The following LNX1 variants were observed in gnomAD, a reference collection of about 807,000 sequenced individuals.
The protein encoded by LNX1 is ligand of numb-protein X 1, also known as E3 ubiquitin-protein ligase LNX.
Under a neutral mutation model 68.4 loss-of-function variants are expected in LNX1, and 54 were observed. The observed-to-expected ratio is 0.79, with a 90% confidence interval of 0.63 to 0.99. The LOEUF (loss-of-function observed/expected upper bound fraction) is 0.99. Among genes scored for constraint, LNX1 ranks in the 50% least tolerant of loss-of-function variants. The pLI is 0.00. For synonymous variants in LNX1, 336 were observed against 350.0 expected, an observed-to-expected ratio of 0.96 and a Z score of 0.45; for missense variants, 906 against 926.4, an observed-to-expected ratio of 0.98 and a Z score of 0.29.
At chr4:53,548,302 A>G (rs963644608) in intron 2 of LNX1, among the ~76,000 whole-genome samples, 4 of 152,168 alleles carry the variant, frequency 2.6e-5, no homozygotes, top group Non-Finnish European at 4.4e-5. Flanking sequence ...TTGTTTTACC[A>G]ATGAGCCCTG....
chr4:53,481,443 G>A (rs867623499), intron 7 of LNX1, among the ~76,000 whole-genome samples: 3 of 152,270 alleles, frequency 2.0e-5, no homozygotes, highest in Middle Eastern at 3.4e-3. Flanking sequence ...GTAAAAACAT[G>A]CCATTTATTT....
intron 2 of LNX1, among the ~76,000 whole-genome samples, chr4:53,546,485 A>G (rs1011268773): frequency 4.6e-5 from 7 of 152,192 alleles, no homozygotes; most frequent in Admixed American, 3.3e-4. Context: ...CTTCCTCAGG[A>G]CACATATCAT....
rs572174039 is a variant in LNX1 at position 53,559,893 on chromosome 4, C to T, written c.380+13730G>A. On this transcript the variant is annotated intron_variant, in intron 2 of 10. Transcript: ENST00000263925. ...CCCAGGCTGGTCTTGAACTTTTGGC[C>T]TCAAGCAATATTCCTGCCTCAACCT... is the stretch of plus-strand genomic sequence containing the variant. Among the ~76,000 whole-genome samples, 542 of 152,086 alleles carry T rather than the reference C, an allele frequency of 3.6e-3. 2 individuals are homozygous for T. The highest frequency in any genetic ancestry group is 0.012 in the African/African-American group (514 of 41,470).
At chr4:53,479,179 C>G (rs1044439763) in intron 7 of LNX1, among the ~76,000 whole-genome samples, 1 of 152,236 alleles carries the variant, frequency 6.6e-6, no homozygotes, top group Non-Finnish European at 1.5e-5. Context: ...GCATGAGCCA[C>G]TGCTCCTGGC....
At chr4:53,593,186 C>T (rs553888415), upstream of LNX1, 2 of 152,278 alleles carry the variant, frequency 1.3e-5, no homozygotes, top group East Asian at 1.9e-4. Flanking sequence ...AATTGAGAAA[C>T]ATCACTCACA....
chr4:53,525,269 G>A (rs959134806), intron 2 of LNX1, among the ~76,000 whole-genome samples: 6 of 152,216 alleles, frequency 3.9e-5, no homozygotes, highest in Non-Finnish European at 8.8e-5. Context: ...ATCATTTGAG[G>A]TCAGGAGTTT....
chr4:53,481,239 T>C (rs1386792397), intron 7 of LNX1, among the ~76,000 whole-genome samples: 2 of 152,152 alleles, frequency 1.3e-5, no homozygotes, highest in African/African-American at 2.4e-5. Context: ...TCCCCACCAC[T>C]CCCTAATGTT....
At chr4:53,534,817 C>T (rs1286859927) in intron 2 of LNX1, among the ~76,000 whole-genome samples, 4 of 152,190 alleles carry the variant, frequency 2.6e-5, no homozygotes, top group Non-Finnish European at 5.9e-5. Flanking sequence ...TTCTATTCAG[C>T]CATATACATT....
In LNX1 at chr4:53,459,524, T is replaced by A; in HGVS notation, c.*1383A>T. 7 of 1,585,738 alleles carry A rather than the reference T, an allele frequency of 4.4e-6. No individual in the cohort carries two copies. Among genetic ancestry groups the A allele is most frequent in the Non-Finnish European group, 6.0e-6 (7 of 1,158,402 alleles). ...AATCTTGTTATTTTTCTGGATAATG[T>A]TTAAGAAATTTACCTTAAATCTTGT... On this transcript the variant is annotated 3_prime_UTR_variant, in exon 11 of 11. Coordinates refer to ENST00000263925, the MANE Select transcript of LNX1 (RefSeq NM_001126328.3).
At chr4:53,633,928 T>A (rs1734369124) in intron 1 of LNX1, among the ~76,000 whole-genome samples, 1 of 152,144 alleles carries the variant, frequency 6.6e-6, no homozygotes, top group Non-Finnish European at 1.5e-5. Flanking sequence ...ACAAAGGGTC[T>A]CCTAGAGTTC....
In LNX1 at chr4:53,529,972, C is replaced by A. The variant is rs1727906588; in HGVS notation, c.381-21745G>T. 4.6e-5 allele frequency among the ~76,000 whole-genome samples: 7 copies of A among 152,074 alleles called. 1 individual carries two copies. The South Asian group carries it at 1.4e-3, about 31-fold the overall frequency. Reference sequence around the variant, plus strand: ...AGACTAGAAAAAATGTAGGCGAATACTTTTCAGACCTCAATATGGAAAAAA... The same window carrying A: ...AGACTAGAAAAAATGTAGGCGAATAATTTTCAGACCTCAATATGGAAAAAA... On this transcript the variant is annotated intron_variant, in intron 2 of 10. Transcript: ENST00000263925.
Position 53,606,484 on chromosome 4 carries a change from AAC to A in LNX1, c.-215+10031_-215+10032del, listed in dbSNP as rs748081954. On this transcript the variant is annotated intron_variant, in intron 2 of 3. Coordinates refer to the LNX1 transcript ENST00000504299. ...AAAACAAACAAACAAACAAAAAACAAACAAAAAAAAAACAGAACAAGACAGAT... is the reference window on the plus strand; with the variant it reads ...AAAACAAACAAACAAACAAAAAACAAAAAAAAAAAACAGAACAAGACAGAT... Among the ~76,000 whole-genome samples, 52 of 68,330 alleles carry A rather than the reference AAC, an allele frequency of 7.6e-4. No homozygotes were observed. In the South Asian group the frequency reaches 9.3e-3, roughly 12 times the overall value. 44.8% of individuals were successfully genotyped at this position (68,330 alleles called of 152,430 possible).
intron 1 of LNX1, among the ~76,000 whole-genome samples, chr4:53,649,876 T>C (rs554737145): frequency 6.6e-6 from 1 of 152,316 alleles, no homozygotes; most frequent in South Asian, 2.1e-4. Context: ...TAAATCTCTA[T>C]GTTCCACCCT....
chr4:53,542,272 A>T (rs1728814942), intron 2 of LNX1, among the ~76,000 whole-genome samples: 1 of 152,244 alleles, frequency 6.6e-6, no homozygotes, highest in African/African-American at 2.4e-5. Flanking sequence ...CATTTAAATG[A>T]TCACAGACAA....
Position 53,459,796 on chromosome 4 carries a change from C to CAA in LNX1, c.*1109_*1110dup, listed in dbSNP as rs1288173592. ...CTTGGGCCACAGTTTTTTTGTTAAT[C>CAA]AAACACCACTCTCTTAAGAGGCTGC... On this transcript the variant is annotated 3_prime_UTR_variant, in exon 11 of 11. Coordinates refer to ENST00000263925, the MANE Select transcript of LNX1 (RefSeq NM_001126328.3). The CAA allele has an allele frequency of 3.2e-6, 1 of 316,964 alleles. No individual in the cohort carries two copies. The highest frequency in any genetic ancestry group is 5.2e-5 in the East Asian group (1 of 19,074). The allele number at this position is 316,964 out of a possible 1,614,324, so 19.6% of individuals were successfully genotyped here.
chr4:53,581,745 G>A (rs1409748023), intron 1 of LNX1, among the ~76,000 whole-genome samples: 1 of 152,122 alleles, frequency 6.6e-6, no homozygotes, highest in Non-Finnish European at 1.5e-5. Context: ...ACAACATGTG[G>A]GGATTATGGA....
chr4:53,572,797 G>A (rs1381060296), intron 2 of LNX1, among the ~76,000 whole-genome samples: 5 of 152,170 alleles, frequency 3.3e-5, no homozygotes, highest in Non-Finnish European at 7.4e-5. Context: ...GTGTGTGTGT[G>A]TGTGGGTGTG....
At chr4:53,611,472 G>A (rs539283949) in intron 2 of LNX1, among the ~76,000 whole-genome samples, 1 of 152,122 alleles carries the variant, frequency 6.6e-6, no homozygotes, top group East Asian at 1.9e-4. Context: ...TGTTGTTTTT[G>A]GTAATTGGAT....
chr4:53,518,181 C>T (rs576773395), intron 2 of LNX1, among the ~76,000 whole-genome samples: 1 of 152,264 alleles, frequency 6.6e-6, no homozygotes, highest in Admixed American at 6.5e-5. Flanking sequence ...GCGTGATGTG[C>T]CTTCAAGGTA....
Sources: gnomAD v4.1 joint callset for allele counts (sites outside exome capture counted in the v4.1 genomes callset) on GRCh38, gnomAD v4.1.1 for gene constraint, MANE v1.5 for transcripts, NCBI Gene and HGNC (gene_info 2026-07-23, HGNC 2026-07-21) for gene names.